Variants in CDH6 observed in about 807,000 individuals in gnomAD.
CDH6 encodes the protein cadherin 6.
Under a neutral mutation model 78.0 loss-of-function variants are expected in CDH6, and 31 were observed. The ratio of observed to expected loss-of-function variants is 0.40; its 90% CI spans 0.30 to 0.54. The LOEUF (loss-of-function observed/expected upper bound fraction) is 0.54, where lower values mean the gene tolerates loss of function less well. Among genes scored for constraint, CDH6 ranks in the 20% least tolerant of loss-of-function variants. The probability of loss-of-function intolerance (pLI) is 0.56; values close to 1 mark genes in which losing one functional copy is unlikely to be tolerated. For missense variants in CDH6, 724 were observed against 975.9 expected, an observed-to-expected ratio of 0.74 and a Z score of 3.44; for synonymous variants, 376 against 368.8, an observed-to-expected ratio of 1.02 and a Z score of -0.23.
chr5:31,249,892 G>A (rs760826091), intron 1 of CDH6: 142 of 152,450 alleles, frequency 9.3e-4, no homozygotes, highest in Non-Finnish European at 1.3e-3. Context: ...GGACCCCAAC[G>A]AAGGAGTGAT....
intron 1 of CDH6, among the ~76,000 whole-genome samples, chr5:31,230,654 A>G (rs1314683117): frequency 2.0e-5 from 3 of 152,126 alleles, no homozygotes; most frequent in Non-Finnish European, 4.4e-5. Flanking sequence ...TGAAAATGCT[A>G]TTTTTTTAAA....
At chr5:31,234,393 G>A (rs1741396493) in intron 1 of CDH6, among the ~76,000 whole-genome samples, 1 of 152,192 alleles carries the variant, frequency 6.6e-6, no homozygotes, top group Non-Finnish European at 1.5e-5. Context: ...TATATGGAGT[G>A]TATGTCTGCT....
Position 31,328,914 on chromosome 5 carries a change from G to T in CDH6, c.*5606G>T, listed in dbSNP as rs567042435. ...TTTTCTGTGTTAGAAGAATGGGGTC[G>T]AGAGTATTACCTTTTAGCTCAGTGT... is the stretch of plus-strand genomic sequence containing the variant. On this transcript the variant is annotated 3_prime_UTR_variant, in exon 12 of 12. Coordinates refer to ENST00000265071, the MANE Select transcript of CDH6 (RefSeq NM_004932.4). 2.7e-5 allele frequency: 6 copies of T among 221,066 alleles called. No individual in the cohort carries two copies. The highest frequency in any genetic ancestry group is 4.5e-5 in the Non-Finnish European group (5 of 110,360). 13.7% of individuals were successfully genotyped at this position (221,066 alleles called of 1,614,324 possible).
At position 31,294,312 on chromosome 5, in the gene CDH6, G is replaced by A; in HGVS notation, c.523+56G>A. On this transcript the variant is annotated intron_variant, in intron 3 of 11. Transcript: ENST00000265071. This position sits in a 1 kb window ranked among gnomAD's most constrained non-coding sequence, Gnocchi z 4.1. Reference sequence around the variant, plus strand: ...GGCTTTCCCCTAGTGCATCCACTGAGTAAGGAATCCCACGAGCTCAAAGTA... The same window carrying A: ...GGCTTTCCCCTAGTGCATCCACTGAATAAGGAATCCCACGAGCTCAAAGTA... 1 of 1,437,682 alleles carries A rather than the reference G, an allele frequency of 7.0e-7. No homozygotes were observed. Among genetic ancestry groups the A allele is most frequent in the Non-Finnish European group, 9.6e-7 (1 of 1,042,942 alleles). 89.1% of individuals were successfully genotyped at this position (1,437,682 alleles called of 1,614,324 possible).
chr5:31,292,493 A>G (rs938007434), intron 2 of CDH6, among the ~76,000 whole-genome samples: 1 of 152,098 alleles, frequency 6.6e-6, no homozygotes, highest in Non-Finnish European at 1.5e-5. Flanking sequence ...TGCTTCTCCG[A>G]GCATTTTGTG....
chr5:31,237,886 T>C (rs1741495449), intron 1 of CDH6, among the ~76,000 whole-genome samples: 2 of 152,204 alleles, frequency 1.3e-5, no homozygotes, highest in Non-Finnish European at 2.9e-5. Context: ...CTGGAGTCAG[T>C]TTCCTCCTCT....
intron 6 of CDH6, among the ~76,000 whole-genome samples, chr5:31,302,852 G>GA (rs1230295039): frequency 8.0e-6 from 1 of 125,130 alleles, no homozygotes; most frequent in Admixed American, 8.2e-5. Context: ...AAGAAAGAAA[G>GA]AGAAAGAAAG....
intron 1 of CDH6, among the ~76,000 whole-genome samples, chr5:31,260,056 A>C: frequency 6.6e-6 from 1 of 152,230 alleles, no homozygotes; most frequent in South Asian, 2.1e-4. Flanking sequence ...TAATTGTAGA[A>C]TAAAAGGCAT....
rs1738321194 is a variant in CDH6 at position 31,316,249 on chromosome 5, G to A, written c.1432G>A (p.Val478Ile). The A allele has an allele frequency of 6.2e-7, 1 of 1,613,346 alleles. No homozygotes were observed. Among genetic ancestry groups the A allele is most frequent in the Non-Finnish European group, 8.5e-7 (1 of 1,179,548 alleles). Residue 478 changes from valine to isoleucine, a missense_variant, in exon 9 of 12, where the codon GTT becomes ATT. This residue lies in a region of CDH6 where 446 missense variants were observed against 684.5 expected (regional missense o/e 0.65). Coordinates refer to ENST00000265071, the MANE Select transcript of CDH6 (RefSeq NM_004932.4). ...QSSRVPLYIK[V>I]LDVNDNAPEF... is the part of the protein sequence containing the mutation. ...TAGTCGAGTACCTCTATATATTAAA[G>A]TTCTAGATGTCAATGACAACGCCCC...
intron 11 of CDH6, among the ~76,000 whole-genome samples, chr5:31,321,589 T>G (rs991553009): frequency 6.6e-6 from 1 of 152,192 alleles, no homozygotes. Flanking sequence ...TGGAAAGCTC[T>G]CAACGGGTAA....
rs150577641 is a variant in CDH6 at position 31,284,038 on chromosome 5, C to T, written c.229-9924C>T. ...CCATGTTGCCCAGGCTGGTCTCAAA[C>T]TCCTGAGCTCAAGCAGTTCACCCAC... On this transcript the variant is annotated intron_variant, in intron 2 of 11. Coordinates refer to ENST00000265071, the MANE Select transcript of CDH6 (RefSeq NM_004932.4). Among the ~76,000 whole-genome samples the T allele has an allele frequency of 3.1e-3, 476 of 152,208 alleles. 3 individuals are homozygous for T. Among genetic ancestry groups the T allele is most frequent in the African/African-American group, 0.011 (441 of 41,526 alleles).
rs762352264 is a variant in CDH6 at position 31,322,865 on chromosome 5, C to G, written c.1930C>G (p.Pro644Ala). ...AALRRQRKKE[P>A]LIISKEDIRD... is the part of the protein sequence containing the mutation. The stretch of plus-strand genomic sequence containing the variant: ...TCTGAGGCGGCAGCGAAAAAAAGAG[C>G]CTTTGATCATTTCCAAAGAGGACAT... Residue 644 changes from proline (P) to alanine (A), a missense_variant, in exon 12 of 12, where the codon CCT (proline) becomes GCT (alanine). Coordinates refer to ENST00000265071, the MANE Select transcript of CDH6 (RefSeq NM_004932.4). 2 of 1,614,052 alleles carry G rather than the reference C, an allele frequency of 1.2e-6. No homozygotes were observed. Among genetic ancestry groups the G allele is most frequent in the Admixed American group, 1.7e-5 (1 of 60,014 alleles).
rs1738639182 is a variant in CDH6 at position 31,326,981 on chromosome 5, A to G, written c.*3673A>G. ...AGTGCTGGGATTACAGGCGTGAGCC[A>G]CCGCGCCCGGCCTTAAAAATTGAAT... On this transcript the variant is annotated 3_prime_UTR_variant, in exon 12 of 12. Transcript: ENST00000265071. 5.9e-6 allele frequency: 1 copy of G among 169,874 alleles called. No homozygotes were observed. The highest frequency in any genetic ancestry group is 2.0e-4 in the South Asian group (1 of 4,966). The allele number at this position is 169,874 out of a possible 1,614,324, so 10.5% of individuals were successfully genotyped here.
Position 31,267,891 on chromosome 5 carries a change from C to T in CDH6, c.228+190C>T, listed in dbSNP as rs181227226. ...TAGCAAAAAGCTGAGAAATGTTAGC[C>T]CTGCAACAAAGAGAGAGAAAATGCT... On this transcript the variant is annotated intron_variant, in intron 2 of 11. Coordinates refer to ENST00000265071, the MANE Select transcript of CDH6 (RefSeq NM_004932.4). 2.0e-5 allele frequency among the ~76,000 whole-genome samples: 3 copies of T among 152,014 alleles called. No homozygotes were observed. In the East Asian group the frequency reaches 5.8e-4, roughly 29 times the overall value.
intron 1 of CDH6, among the ~76,000 whole-genome samples, chr5:31,230,836 G>A (rs1741294194): frequency 6.6e-6 from 1 of 152,072 alleles, no homozygotes; most frequent in Non-Finnish European, 1.5e-5. Flanking sequence ...AATATTATAT[G>A]CTAATTAATA....
At chr5:31,311,792 C>G (rs1738164198) in intron 7 of CDH6, among the ~76,000 whole-genome samples, 1 of 152,128 alleles carries the variant, frequency 6.6e-6, no homozygotes, top group African/African-American at 2.4e-5. Context: ...GAGAAGTCTG[C>G]CCCCATGATA....
At chr5:31,214,467 T>G (rs1302205821) in intron 1 of CDH6, among the ~76,000 whole-genome samples, 1 of 152,170 alleles carries the variant, frequency 6.6e-6, no homozygotes, top group East Asian at 1.9e-4. Flanking sequence ...ATATTGAATA[T>G]AGGTCAAAGG....
chr5:31,195,715 C>T (rs1031947995), intron 1 of CDH6, among the ~76,000 whole-genome samples: 1 of 152,184 alleles, frequency 6.6e-6, no homozygotes, highest in Non-Finnish European at 1.5e-5. Flanking sequence ...AGAAACCCAA[C>T]AATTGACTGG....
chr5:31,230,684 AACC>A (rs1741288554), intron 1 of CDH6, among the ~76,000 whole-genome samples: 1 of 152,202 alleles, frequency 6.6e-6, no homozygotes, highest in Non-Finnish European at 1.5e-5. Context: ...ATGATTTAGA[AACC>A]ATCTGCAGAA....
Sources: allele counts gnomAD v4.1 joint callset (sites outside exome capture counted in the v4.1 genomes callset), GRCh38; gene constraint gnomAD v4.1.1; regional missense constraint gnomAD v4.1.1; non-coding constraint Gnocchi (gnomAD v3.1); transcripts MANE v1.5; gene names NCBI Gene and HGNC (gene_info 2026-07-23, HGNC 2026-07-21).